MARCHF6: variants seen among roughly 807,000 people sequenced by gnomAD.
The protein encoded by MARCHF6 is E3 ubiquitin-protein ligase MARCHF6.
MARCHF6 carries 31 observed loss-of-function variants against 133.7 expected under a neutral mutation model. The observed-to-expected ratio is 0.23, with a 90% CI of 0.17 to 0.31. The LOEUF is 0.31. MARCHF6 is among the 10% of genes least tolerant of loss of function. The pLI is 1.00. For missense variants in MARCHF6, 723 were observed against 1,121.6 expected (o/e 0.64, Z 5.08); for synonymous variants, 395 against 402.5 (o/e 0.98, Z 0.22).
intron 22 of MARCHF6, among the ~76,000 whole-genome samples, chr5:10,418,731 A>G (rs1371829823): frequency 6.6e-6 from 1 of 152,174 alleles, no homozygotes; most frequent in Non-Finnish European, 1.5e-5. Flanking sequence ...AGTGCTTTTA[A>G]TGGTGTACCC....
Position 10,403,454 on chromosome 5 carries a change from G to T in MARCHF6, c.1245G>T (p.Ser415=), listed in dbSNP as rs771522062. 1.2e-6 allele frequency: 2 copies of T among 1,613,706 alleles called. No individual in the cohort carries two copies. The highest frequency in any genetic ancestry group is 1.7e-6 in the Non-Finnish European group (2 of 1,179,868). ...TLKDRELSFQ[S]APGTTMFLHW... is the part of the protein sequence containing the mutation. ...AAGATCGAGAACTGAGCTTTCAGTC[G>T]GCTCCAGGTACTACCATGTTTCTGC... Residue 415 remains serine (S), a synonymous_variant, in exon 15 of 26, where the codon TCG becomes TCT. Transcript: ENST00000274140.
At position 10,436,196 on chromosome 5, in the gene MARCHF6, C is replaced by A. The variant is rs1290466828; in HGVS notation, c.*2512C>A. On this transcript the variant is annotated 3_prime_UTR_variant, in exon 26 of 26. Transcript: ENST00000274140. The stretch of plus-strand genomic sequence containing the variant: ...TAATCCTACAGAATTTTAAATGAAT[C>A]TTATCAATGTTTTGTAAACAAACAA... 6.6e-6 allele frequency: 1 copy of A among 152,132 alleles called. No homozygotes were observed. The highest frequency in any genetic ancestry group is 2.4e-5 in the African/African-American group (1 of 41,432). The allele number at this position is 152,132 out of a possible 1,614,324, so 9.4% of individuals were successfully genotyped here.
intron 1 of MARCHF6, among the ~76,000 whole-genome samples, chr5:10,363,925 T>G (rs898790599): frequency 4.6e-5 from 7 of 152,142 alleles, no homozygotes; most frequent in Admixed American, 1.3e-4. Context: ...ATAGAGAAAT[T>G]AGTGGTTGTC....
intron 1 of MARCHF6, among the ~76,000 whole-genome samples, chr5:10,377,284 A>G (rs1007391927): frequency 2.6e-5 from 4 of 151,826 alleles, no homozygotes; most frequent in Non-Finnish European, 5.9e-5. Flanking sequence ...AAGTGTGTGT[A>G]TGTGTGTGTG....
intron 22 of MARCHF6, among the ~76,000 whole-genome samples, chr5:10,418,847 G>T (rs1237039592): frequency 2.0e-5 from 3 of 152,228 alleles, no homozygotes; most frequent in South Asian, 2.1e-4. Flanking sequence ...CAGGTGTTGT[G>T]TGGTGTGATT....
chr5:10,358,716 AC>A (rs1735633246), intron 1 of MARCHF6, among the ~76,000 whole-genome samples: 1 of 152,222 alleles, frequency 6.6e-6, no homozygotes, highest in South Asian at 2.1e-4. Context: ...ATTTGAAAAA[AC>A]TTGCAGATGA....
chr5:10,400,005 A>G (rs1202906759), intron 10 of MARCHF6, among the ~76,000 whole-genome samples: 1 of 152,150 alleles, frequency 6.6e-6, no homozygotes, highest in Admixed American at 6.5e-5. Context: ...TTCAGGTTGA[A>G]TACATCTGGG....
chr5:10,370,906 T>C lies in MARCHF6; in HGVS notation c.20-6892T>C, dbSNP rs374675442. Among the ~76,000 whole-genome samples the C allele has an allele frequency of 3.9e-5, 6 of 152,290 alleles. No individual in the cohort carries two copies. The East Asian group carries it at 1.2e-3, about 29-fold the overall frequency. On this transcript the variant is annotated intron_variant, in intron 1 of 25. Coordinates refer to ENST00000274140, the MANE Select transcript of MARCHF6 (RefSeq NM_005885.4). ...GCAGTCTACTGTGCAAGTGGGAGAA[T>C]ATGATAAAGTTGGAGGAGCAGATAA...
intron 25 of MARCHF6, 45 bp downstream of exon 25, chr5:10,430,073 T>A: frequency 6.4e-7 from 1 of 1,571,458 alleles, no homozygotes; most frequent in Non-Finnish European, 8.7e-7. Context: ...TGTTTTCACT[T>A]CTTAATTTAT....
At chr5:10,363,663 A>C (rs1279766810) in intron 1 of MARCHF6, among the ~76,000 whole-genome samples, 3 of 152,252 alleles carry the variant, frequency 2.0e-5, no homozygotes, top group Non-Finnish European at 4.4e-5. Flanking sequence ...AAAAACCTGT[A>C]TATGAGTTAG....
At position 10,402,624 on chromosome 5, in the gene MARCHF6, T is replaced by C; in HGVS notation, c.1197+17T>C. On this transcript the variant is annotated intron_variant, in intron 14 of 25. Transcript: ENST00000274140. ...TGTTCCTTGGTAAGTTGAGTATTCATTATTGTATAATAGCATAATTTAAGG... is the reference window on the plus strand; with the variant it reads ...TGTTCCTTGGTAAGTTGAGTATTCACTATTGTATAATAGCATAATTTAAGG... 9.4e-6 allele frequency: 15 copies of C among 1,592,172 alleles called. No individual in the cohort carries two copies. The highest frequency in any genetic ancestry group is 1.3e-5 in the Non-Finnish European group (15 of 1,160,340).
At chr5:10,358,269 A>G (rs1488196660) in intron 1 of MARCHF6, among the ~76,000 whole-genome samples, 2 of 152,132 alleles carry the variant, frequency 1.3e-5, no homozygotes, top group Non-Finnish European at 1.5e-5. Context: ...TAAGTATAAT[A>G]TGAGGTCAGA....
intron 1 of MARCHF6, among the ~76,000 whole-genome samples, chr5:10,367,175 CGAGCCCAGAG>C (rs1424341989): frequency 1.3e-5 from 2 of 152,194 alleles, no homozygotes; most frequent in African/African-American, 2.4e-5. Flanking sequence ...AGAGACTGCC[CGAGCCCAGAG>C]GAGCCCAAGG....
chr5:10,432,442 G>A (rs1740416001), intron 25 of MARCHF6, among the ~76,000 whole-genome samples: 1 of 152,152 alleles, frequency 6.6e-6, no homozygotes, highest in Admixed American at 6.5e-5. Context: ...CTGCATCTCT[G>A]CCTCCAAATG....
chr5:10,422,060 T>A (rs1739852670), intron 22 of MARCHF6: 1 of 152,206 alleles, frequency 6.6e-6, no homozygotes, highest in Admixed American at 6.5e-5. Flanking sequence ...GTGCAGTATG[T>A]TCACACGCAC....
chr5:10,353,855 C>T lies in MARCHF6; in HGVS notation c.-44C>T. 1 of 1,547,674 alleles carries T rather than the reference C, an allele frequency of 6.5e-7. No homozygotes were observed. Among genetic ancestry groups the T allele is most frequent in the Non-Finnish European group, 8.7e-7 (1 of 1,149,418 alleles). ...TCCCCTCCCTCTTTCCCCGCCCGGCCGCGGGAGCCTCGTGGCTGCGTCACC... is the reference window on the plus strand; with the variant it reads ...TCCCCTCCCTCTTTCCCCGCCCGGCTGCGGGAGCCTCGTGGCTGCGTCACC... On this transcript the variant is annotated 5_prime_UTR_variant, in exon 1 of 26. Transcript: ENST00000274140.
chr5:10,377,957 CAG>C (rs1736890005), intron 2 of MARCHF6, 63 bp downstream of exon 2: 1 of 893,690 alleles, frequency 1.1e-6, no homozygotes, highest in Non-Finnish European at 1.9e-6. Flanking sequence ...TATACAGTAA[CAG>C]GGATCATTTC....
At position 10,436,569 on chromosome 5, in the gene MARCHF6, GTTTTA is replaced by G. The variant is rs1199480061; in HGVS notation, c.*2890_*2894del. 2.6e-5 allele frequency: 4 copies of G among 151,892 alleles called. No homozygotes were observed. The highest frequency in any genetic ancestry group is 5.9e-5 in the Non-Finnish European group (4 of 67,942). The allele number at this position is 151,892 out of a possible 1,614,324, so 9.4% of individuals were successfully genotyped here. A position where few individuals can be genotyped will look rare whatever the true frequency, so the allele number is the denominator to read the frequency against. ...GTTAACTAGGAAAGAAGACCTTTTT[GTTTTA>G]TTTTTACTATTTATATATAGAAGAC... is the stretch of plus-strand genomic sequence containing the variant. On this transcript the variant is annotated 3_prime_UTR_variant, in exon 26 of 26. Transcript: ENST00000274140.
At position 10,434,712 on chromosome 5, in the gene MARCHF6, C is replaced by G. The variant is rs913765874; in HGVS notation, c.*1028C>G. 1.3e-5 allele frequency: 2 copies of G among 152,528 alleles called. No individual in the cohort carries two copies. The highest frequency in any genetic ancestry group is 2.9e-5 in the Non-Finnish European group (2 of 68,026). The allele number at this position is 152,528 out of a possible 1,614,324, so 9.4% of individuals were successfully genotyped here. Reference sequence around the variant, plus strand: ...GAAGACTGGTTAGAACATCTGGTCTCGCTGGTTAGTGCCTCGTTGGCTGAG... The same window carrying G: ...GAAGACTGGTTAGAACATCTGGTCTGGCTGGTTAGTGCCTCGTTGGCTGAG... On this transcript the variant is annotated 3_prime_UTR_variant, in exon 26 of 26. Coordinates refer to ENST00000274140, the MANE Select transcript of MARCHF6 (RefSeq NM_005885.4).
Sources: gnomAD v4.1 joint callset for allele counts (sites outside exome capture counted in the v4.1 genomes callset) on GRCh38, gnomAD v4.1.1 for gene constraint, MANE v1.5 for transcripts, NCBI Gene and HGNC (gene_info 2026-07-23, HGNC 2026-07-21) for gene names.